BORCS5: variants seen among roughly 807,000 people sequenced by gnomAD.
BORCS5 encodes the protein BLOC-1 related complex subunit 5.
In BORCS5, 17 loss-of-function variants were observed where a neutral mutation model predicts 22.1. The observed-to-expected ratio is 0.77, with a 90% CI of 0.53 to 1.15. The LOEUF (loss-of-function observed/expected upper bound fraction) is 1.15, where lower values mean the gene tolerates loss of function less well. Among genes scored for constraint, BORCS5 ranks in the 50% most tolerant of loss-of-function variants. The probability of loss-of-function intolerance (pLI) is 0.00; values close to 1 mark genes in which losing one functional copy is unlikely to be tolerated. For synonymous variants in BORCS5, 117 were observed against 99.8 expected (o/e 1.17, Z -1.03); for missense variants, 247 against 253.2 (o/e 0.98, Z 0.17).
chr12:12,442,656 A>G (rs547420716), intron 3 of BORCS5, among the ~76,000 whole-genome samples: 5 of 152,216 alleles, frequency 3.3e-5, no homozygotes, highest in Non-Finnish European at 7.3e-5. Context: ...CTTCGAGTGT[A>G]TATGGGATTT....
At chr12:12,377,611 T>A (rs1267732560) in intron 2 of BORCS5, among the ~76,000 whole-genome samples, 1 of 151,880 alleles carries the variant, frequency 6.6e-6, no homozygotes, top group African/African-American at 2.4e-5. Context: ...AAAAGATAGC[T>A]CACAGGTCCT....
chr12:12,399,425 G>T (rs1421528945), intron 2 of BORCS5, among the ~76,000 whole-genome samples: 2 of 152,180 alleles, frequency 1.3e-5, no homozygotes, highest in Non-Finnish European at 2.9e-5. Flanking sequence ...GCAGCCTGGG[G>T]TGGAGGTCAG....
chr12:12,465,472 C>A, intron 3 of BORCS5, 74 bp from the exon 4 acceptor site: 1 of 1,312,774 alleles, frequency 7.6e-7, no homozygotes, highest in Non-Finnish European at 1.1e-6. Context: ...GTGTCCCTCA[C>A]AGGCTGGACA....
intron 2 of BORCS5, among the ~76,000 whole-genome samples, chr12:12,420,273 G>A (rs1434155775): frequency 6.6e-6 from 1 of 152,052 alleles, no homozygotes; most frequent in Non-Finnish European, 1.5e-5. Flanking sequence ...TGGCTAGCCA[G>A]TTTTCCCAGC....
chr12:12,450,510 A>G (rs991919233), intron 3 of BORCS5, among the ~76,000 whole-genome samples: 1 of 151,922 alleles, frequency 6.6e-6, no homozygotes, highest in Admixed American at 6.6e-5. Context: ...GTAATTTATT[A>G]TTTTTTTTAT....
intron 2 of BORCS5, among the ~76,000 whole-genome samples, chr12:12,395,853 C>T (rs985472167): frequency 6.6e-6 from 1 of 151,818 alleles, no homozygotes; most frequent in Non-Finnish European, 1.5e-5. Flanking sequence ...GAGGAGCAAA[C>T]TTGAGAGGCA....
intron 2 of BORCS5, among the ~76,000 whole-genome samples, chr12:12,435,415 G>T (rs1245564728): frequency 6.6e-6 from 1 of 152,100 alleles, no homozygotes; most frequent in Non-Finnish European, 1.5e-5. Context: ...CTGTGAATAC[G>T]AAAAATCGTG....
chr12:12,457,383 T>G (rs1298739908), intron 3 of BORCS5, among the ~76,000 whole-genome samples: 2 of 152,220 alleles, frequency 1.3e-5, no homozygotes, highest in African/African-American at 4.8e-5. Flanking sequence ...AAAACTGGAA[T>G]GTTTGGCCGG....
intron 2 of BORCS5, among the ~76,000 whole-genome samples, chr12:12,369,712 CTTTTTTTTTTTTTTTTTT>C (rs71061052): frequency 2.3e-5 from 1 of 42,952 alleles, no homozygotes; most frequent in Non-Finnish European, 3.9e-5. Flanking sequence ...CCCCCCACTT[CTTTTTTTTTTTTTTTTTT>C]TTTTTTTTTT....
chr12:12,441,720 AT>A (rs5796491), intron 3 of BORCS5, among the ~76,000 whole-genome samples: 84,316 of 147,572 alleles, frequency 0.57, 24,073 homozygotes, highest in African/African-American at 0.65. Flanking sequence ...CAAAAAAAAA[AT>A]TTTTTTTTTT....
chr12:12,388,661 T>G, intron 2 of BORCS5, among the ~76,000 whole-genome samples: 1 of 144,274 alleles, frequency 6.9e-6, no homozygotes, highest in East Asian at 2.0e-4. Flanking sequence ...TTAAGTGGGG[T>G]GGGGGGGACA....
At chr12:12,357,636 GA>G (rs879543539) in intron 1 of BORCS5, 127 bp downstream of exon 1, 25,278 of 735,888 alleles carry the variant, frequency 0.034, no homozygotes, top group South Asian at 0.051. Context: ...GTGCTAGTAG[GA>G]AAAAAAAAAA....
At chr12:12,398,516 A>G (rs992296644) in intron 2 of BORCS5, among the ~76,000 whole-genome samples, 1 of 152,186 alleles carries the variant, frequency 6.6e-6, no homozygotes, top group Non-Finnish European at 1.5e-5. Flanking sequence ...CCACACCCTC[A>G]GAGGGCCGTT....
chr12:12,369,361 CT>C (rs1863472529), intron 2 of BORCS5, among the ~76,000 whole-genome samples: 1 of 152,014 alleles, frequency 6.6e-6, no homozygotes, highest in African/African-American at 2.4e-5. Context: ...TAGGGTCTTG[CT>C]TTTGTATTTA....
At chr12:12,409,817 A>C (rs1941682684) in intron 2 of BORCS5, among the ~76,000 whole-genome samples, 1 of 151,606 alleles carries the variant, frequency 6.6e-6, no homozygotes, top group African/African-American at 2.4e-5. Context: ...TGACTTCCAC[A>C]ATGGTTGAAC....
At chr12:12,460,264 C>T (rs989510906) in intron 3 of BORCS5, among the ~76,000 whole-genome samples, 3 of 152,076 alleles carry the variant, frequency 2.0e-5, no homozygotes, top group Non-Finnish European at 4.4e-5. Flanking sequence ...TTCATGTTGC[C>T]GACGCAGTTG....
chr12:12,443,931 C>T (rs981745535), intron 3 of BORCS5, among the ~76,000 whole-genome samples: 6 of 152,170 alleles, frequency 3.9e-5, no homozygotes, highest in African/African-American at 9.7e-5. Flanking sequence ...TTGTGAGGAA[C>T]CCCAGAGCAC....
At chr12:12,414,576 C>T (rs1941865524) in intron 2 of BORCS5, among the ~76,000 whole-genome samples, 1 of 89,086 alleles carries the variant, frequency 1.1e-5, no homozygotes, top group Non-Finnish European at 2.3e-5. Context: ...CCCCCACCTC[C>T]CTCCTGGACG....
rs1339671595 is a variant in BORCS5 at position 12,469,742 on chromosome 12, A to G, written c.*3966A>G. 2.0e-5 allele frequency: 3 copies of G among 152,244 alleles called. No homozygotes were observed. The highest frequency in any genetic ancestry group is 4.4e-5 in the Non-Finnish European group (3 of 68,040). 9.4% of individuals were successfully genotyped at this position (152,244 alleles called of 1,614,324 possible). The stretch of plus-strand genomic sequence containing the variant: ...TTATACTTCAGCCAAACCCAGATAT[A>G]TAGTGCTCAGCAGAAATTATTCAAA... On this transcript the variant is annotated 3_prime_UTR_variant, in exon 4 of 4. Coordinates refer to ENST00000314565, the MANE Select transcript of BORCS5 (RefSeq NM_058169.6).
Sources: gnomAD v4.1 joint callset for allele counts (sites outside exome capture counted in the v4.1 genomes callset) on GRCh38, gnomAD v4.1.1 for gene constraint, MANE v1.5 for transcripts, NCBI Gene and HGNC (gene_info 2026-07-23, HGNC 2026-07-21) for gene names.